Variants in LAMB4 observed in about 807,000 individuals in gnomAD.
LAMB4 encodes the protein laminin subunit beta 4.
In LAMB4, 196 loss-of-function variants were observed where a neutral mutation model predicts 199.2. That is an observed-to-expected ratio of 0.98 (90% CI 0.88 to 1.11). The LOEUF (loss-of-function observed/expected upper bound fraction) is 1.11. Ranked by LOEUF, LAMB4 falls within the 50% of genes least tolerant of loss-of-function variation. The pLI is 0.00. For missense variants in LAMB4, 2,080 were observed against 2,171.2 expected (o/e 0.96, Z 0.83); for synonymous variants, 744 against 770.6 (o/e 0.97, Z 0.57).
intron 17 of LAMB4, among the ~76,000 whole-genome samples, chr7:108,074,375 A>T (rs2036627048): frequency 6.6e-6 from 1 of 151,994 alleles, no homozygotes; most frequent in Admixed American, 6.6e-5. Flanking sequence ...ATTTTATTTT[A>T]TTTATTTTTT....
chr7:108,117,557 TA>T lies in LAMB4; in HGVS notation c.35-1397del, dbSNP rs568397547. 2.8e-3 allele frequency among the ~76,000 whole-genome samples: 425 copies of T among 152,292 alleles called. 5 individuals are homozygous for T. The highest frequency in any genetic ancestry group is 9.8e-3 in the African/African-American group (408 of 41,558). ...GTATTTTGTGGGTAGCTACTTATGT[TA>T]CAGGAAAGGGGTCCCGACCCAGACC... On this transcript the variant is annotated intron_variant, in intron 2 of 33. Transcript: ENST00000388781.
chr7:108,082,737 G>A (rs1344535671), intron 14 of LAMB4, among the ~76,000 whole-genome samples: 2 of 152,126 alleles, frequency 1.3e-5, no homozygotes, highest in South Asian at 4.1e-4. Context: ...ATAAAATCTT[G>A]TAAAATGAGC....
chr7:108,104,430 AC>A lies in LAMB4; in HGVS notation c.991+68del, dbSNP rs753216744. Reference sequence around the variant, plus strand: ...GGTGCCTGCAGCCCCACAGAAGTGAACGAAGTGTTTCTTAAATAAGGAAATG... The same window carrying A: ...GGTGCCTGCAGCCCCACAGAAGTGAAGAAGTGTTTCTTAAATAAGGAAATG... On this transcript the variant is annotated intron_variant, in intron 9 of 33. Coordinates refer to ENST00000388781, the MANE Select transcript of LAMB4 (RefSeq NM_007356.3). 1.2e-3 allele frequency: 1,850 copies of A among 1,584,548 alleles called. 2 individuals carry two copies. Among genetic ancestry groups the A allele is most frequent in the Non-Finnish European group, 1.5e-3 (1,763 of 1,163,402 alleles).
intron 12 of LAMB4, among the ~76,000 whole-genome samples, chr7:108,093,338 T>C (rs1441134983): frequency 6.6e-6 from 1 of 152,204 alleles, no homozygotes; most frequent in Admixed American, 6.5e-5. Context: ...GTGCTGGGAT[T>C]ACAGGCATGA....
chr7:108,095,377 C>T (rs769023428), intron 11 of LAMB4, 40 bp from the exon 12 acceptor site: 1 of 1,421,220 alleles, frequency 7.0e-7, no homozygotes, highest in African/African-American at 1.4e-5. Context: ...ATTCTTAATT[C>T]CTCCACTCTT....
chr7:108,116,066 T>C lies in LAMB4; in HGVS notation c.130A>G (p.Met44Val). The change falls in exon 3 of 34, where the codon ATG becomes GTG. Residue 44 changes from methionine (M) to valine (V), a missense_variant. By Grantham distance (21) the Met-to-Val change is conservative. Coordinates refer to ENST00000388781, the MANE Select transcript of LAMB4 (RefSeq NM_007356.3). ...CTCAGCCCACAGGTAGAAGAAGCCATAAGCTGCGTGTTCCTGCCCACCAGG... is the reference window on the plus strand; with the variant it reads ...CTCAGCCCACAGGTAGAAGAAGCCACAAGCTGCGTGTTCCTGCCCACCAGG... Reference protein sequence around the residue: ...DLLVGRNTQLMASSTCGLSRA... With the variant: ...DLLVGRNTQLVASSTCGLSRA... The C allele has an allele frequency of 6.2e-7, 1 of 1,614,048 alleles. No individual in the cohort carries two copies. Among genetic ancestry groups the C allele is most frequent in the Non-Finnish European group, 8.5e-7 (1 of 1,179,964 alleles).
chr7:108,121,416 T>C (rs1054234451), intron 2 of LAMB4, among the ~76,000 whole-genome samples: 3 of 152,188 alleles, frequency 2.0e-5, no homozygotes, highest in Admixed American at 6.5e-5. Flanking sequence ...TGTAAACACA[T>C]GTTTATACGT....
intron 14 of LAMB4, among the ~76,000 whole-genome samples, chr7:108,084,550 TGACCCATTTG>T (rs2037089548): frequency 6.6e-6 from 1 of 152,212 alleles, no homozygotes; most frequent in South Asian, 2.1e-4. Flanking sequence ...GCTTCCTTGT[TGACCCATTTG>T]CAGATAGTGC....
In LAMB4 at chr7:108,101,792, G is replaced by A. The variant is rs141847378; in HGVS notation, c.1180+1252C>T. Among the ~76,000 whole-genome samples, 26 of 152,274 alleles carry A rather than the reference G, an allele frequency of 1.7e-4. No homozygotes were observed. In the East Asian group the frequency reaches 3.5e-3, roughly 20 times the overall value. On this transcript the variant is annotated intron_variant, in intron 10 of 33. Coordinates refer to ENST00000388781, the MANE Select transcript of LAMB4 (RefSeq NM_007356.3). ...CCTGCACTTCCATCACCCTGATAGC[G>A]AGTTCTTCCTTACATTTTGGAACTT...
At chr7:108,043,545 G>GCTTTTTTTTTT (rs2035496600) in intron 29 of LAMB4, among the ~76,000 whole-genome samples, 2 of 56,002 alleles carry the variant, frequency 3.6e-5, no homozygotes, top group Admixed American at 1.9e-4. Flanking sequence ...TGGCTATGAT[G>GCTTTTTTTTTT]TTTTTTTTTT....
At chr7:108,106,710 A>G in intron 6 of LAMB4, 138 bp from the exon 7 acceptor site, 1 of 559,536 alleles carries the variant, frequency 1.8e-6, no homozygotes, top group Non-Finnish European at 3.2e-6. Flanking sequence ...GACCACAGGC[A>G]TGCACCACCA....
chr7:108,043,710 G>T, intron 29 of LAMB4, 42 bp downstream of exon 29: 8 of 1,394,910 alleles, frequency 5.7e-6, no homozygotes, highest in Non-Finnish European at 7.8e-6. Context: ...ATTAAAAAGG[G>T]AAAAAAACAA....
intron 20 of LAMB4, among the ~76,000 whole-genome samples, chr7:108,066,120 C>G (rs967570466): frequency 6.6e-6 from 1 of 152,130 alleles, no homozygotes; most frequent in Non-Finnish European, 1.5e-5. Context: ...TAATAGCACT[C>G]GATTTACATG....
intron 25 of LAMB4, among the ~76,000 whole-genome samples, chr7:108,055,186 TG>T (rs1474110929): frequency 5.9e-5 from 8 of 134,656 alleles, no homozygotes; most frequent in Non-Finnish European, 8.9e-5. Flanking sequence ...GATTTCCAGC[TG>T]TTTTTTTTTT....
At chr7:108,081,155 A>G (rs2036922384) in intron 14 of LAMB4, among the ~76,000 whole-genome samples, 1 of 152,212 alleles carries the variant, frequency 6.6e-6, no homozygotes, top group Non-Finnish European at 1.5e-5. Flanking sequence ...ATTGCAGTAG[A>G]CACTGTAGGT....
intron 1 of LAMB4, among the ~76,000 whole-genome samples, chr7:108,124,812 G>T (rs2038722718): frequency 6.6e-6 from 1 of 152,058 alleles, no homozygotes; most frequent in Admixed American, 6.6e-5. Context: ...CATATTCCCA[G>T]TCCCTGCACA....
chr7:108,041,545 C>T (rs1279445473), intron 29 of LAMB4, among the ~76,000 whole-genome samples: 2 of 152,156 alleles, frequency 1.3e-5, no homozygotes, highest in Admixed American at 1.3e-4. Flanking sequence ...TACATATACG[C>T]CATGGATACT....
At chr7:108,073,039 C>T (rs909080387) in intron 17 of LAMB4, among the ~76,000 whole-genome samples, 1 of 152,326 alleles carries the variant, frequency 6.6e-6, no homozygotes, top group Middle Eastern at 3.4e-3. Context: ...GAGTCTTGCT[C>T]TGCTGCCCAG....
the LAMB4 span, among the ~76,000 whole-genome samples, chr7:108,016,444 T>C: frequency 6.6e-6 from 1 of 152,106 alleles, no homozygotes; most frequent in African/African-American, 2.4e-5. Flanking sequence ...CCATCACACC[T>C]GGCTAATTTT....
Sources: allele counts gnomAD v4.1 joint callset (sites outside exome capture counted in the v4.1 genomes callset), GRCh38; gene constraint gnomAD v4.1.1; transcripts MANE v1.5; gene names NCBI Gene and HGNC (gene_info 2026-07-23, HGNC 2026-07-21).